Variants in CD84 observed in about 807,000 individuals in gnomAD.
CD84 encodes the protein CD84 molecule, also known as SLAM family member 5.
CD84 carries 22 observed loss-of-function variants against 33.8 expected under a neutral mutation model. That is an observed-to-expected ratio of 0.65 (90% CI 0.46 to 0.93). The LOEUF (loss-of-function observed/expected upper bound fraction) is 0.93, where lower values mean the gene tolerates loss of function less well. CD84 is among the 40% of genes least tolerant of loss of function. CD84 has a pLI of 0.00. For synonymous variants in CD84, 154 were observed against 145.2 expected (o/e 1.06, Z -0.44); for missense variants, 400 against 397.6 (o/e 1.01, Z -0.05).
At position 160,553,447 on chromosome 1, in the gene CD84, C is replaced by G; in HGVS notation, c.691G>C (p.Ala231Pro). 4.3e-6 allele frequency: 7 copies of G among 1,614,074 alleles called. No homozygotes were observed. The highest frequency in any genetic ancestry group is 5.9e-6 in the Non-Finnish European group (7 of 1,180,008). The change falls in exon 4 of 7, where the codon GCT becomes CCT. Residue 231 changes from alanine (A) to proline (P), a missense_variant. Coordinates refer to ENST00000368054, the MANE Select transcript of CD84 (RefSeq NM_003874.4). ...ATGAGAACAAGCAGAAAGAACATAGCCAGCACGCTCAGCAACCCGGTGTGG... is the reference window on the plus strand; with the variant it reads ...ATGAGAACAAGCAGAAAGAACATAGGCAGCACGCTCAGCAACCCGGTGTGG... ...THHTGLLSVL[A>P]MFFLLVLILS... is the part of the protein sequence containing the mutation.
intron 1 of CD84, among the ~76,000 whole-genome samples, chr1:160,569,558 G>A (rs1480145472): frequency 7.4e-5 from 11 of 147,668 alleles, no homozygotes; most frequent in Admixed American, 3.4e-4. Flanking sequence ...ACGCACGCAC[G>A]CACACACACA....
Position 160,548,271 on chromosome 1 carries a change from A to G in CD84, c.972T>C (p.Tyr324=), listed in dbSNP as rs748257540. Residue 324 remains tyrosine, a synonymous_variant, in exon 7 of 7, where the codon TAT becomes TAC. Coordinates refer to ENST00000368054, the MANE Select transcript of CD84 (RefSeq NM_003874.4). ...GCCCAGCAGCCTAGATCACAATTTC[A>G]TAGCTTGAAGTCCCAGGAGGTTTAC... is the stretch of plus-strand genomic sequence containing the variant. ...QDSKPPGTSS[Y]EIVI is the part of the protein sequence containing the mutation. 11 of 1,614,142 alleles carry G rather than the reference A, an allele frequency of 6.8e-6. No individual in the cohort carries two copies. In the South Asian group the frequency reaches 1.1e-4, roughly 16 times the overall value.
At chr1:160,579,246 G>A (rs1395267216) in intron 1 of CD84, 146 bp downstream of exon 1, 1 of 1,014,502 alleles carries the variant, frequency 9.9e-7, no homozygotes, top group East Asian at 2.6e-5. Flanking sequence ...TCCCCAGCCA[G>A]TTGGATCCTG....
At chr1:160,568,421 C>G (rs549800872) in intron 1 of CD84, among the ~76,000 whole-genome samples, 33 of 152,130 alleles carry the variant, frequency 2.2e-4, no homozygotes, top group African/African-American at 7.0e-4. Flanking sequence ...GAATACTTTG[C>G]TTGCTGGAAA....
rs559105226 is a variant in CD84 at position 160,545,712 on chromosome 1, C to T, written c.*2544G>A. On this transcript the variant is annotated 3_prime_UTR_variant, in exon 7 of 7. Coordinates refer to ENST00000368054, the MANE Select transcript of CD84 (RefSeq NM_003874.4). ...TGGCAGGATCTCAGCTCACTGCAACCTCCACCTCCCAGGTTCAAGCAATTC... is the reference window on the plus strand; with the variant it reads ...TGGCAGGATCTCAGCTCACTGCAACTTCCACCTCCCAGGTTCAAGCAATTC... 23 of 152,460 alleles carry T rather than the reference C, an allele frequency of 1.5e-4. No individual in the cohort carries two copies. The highest frequency in any genetic ancestry group is 5.3e-4 in the African/African-American group (22 of 41,566). The allele number at this position is 152,460 out of a possible 1,614,324, so 9.4% of individuals were successfully genotyped here. A position where few individuals can be genotyped will look rare whatever the true frequency, so the allele number is the denominator to read the frequency against.
At chr1:160,550,411 G>C (rs71628180) in intron 5 of CD84, among the ~76,000 whole-genome samples, 2 of 152,236 alleles carry the variant, frequency 1.3e-5, no homozygotes, top group South Asian at 4.2e-4. Context: ...GGGCGATCCA[G>C]GGTGGAGGGG....
intron 1 of CD84, among the ~76,000 whole-genome samples, chr1:160,568,395 C>T (rs762067174): frequency 2.0e-5 from 3 of 152,054 alleles, no homozygotes; most frequent in Non-Finnish European, 4.4e-5. Flanking sequence ...ATTTGTGCTG[C>T]TGGTGTTGTT....
chr1:160,547,347 G>C lies in CD84; in HGVS notation c.*909C>G, dbSNP rs370806560. ...AAATATAAGCTGGTCAGTTCCTTTT[G>C]GAGAGTGGGAATACTGGGCATGGCT... On this transcript the variant is annotated 3_prime_UTR_variant, in exon 7 of 7. Transcript: ENST00000368054. The C allele has an allele frequency of 6.7e-4, 265 of 396,128 alleles. 2 individuals carry two copies. In the Middle Eastern group the frequency reaches 0.011, roughly 16 times the overall value. 24.5% of individuals were successfully genotyped at this position (396,128 alleles called of 1,614,324 possible). A position where few individuals can be genotyped will look rare whatever the true frequency, so the allele number is the denominator to read the frequency against.
At chr1:160,550,014 C>A (rs769359227) in intron 5 of CD84, 35 bp from the exon 6 acceptor site, 4 of 1,372,092 alleles carry the variant, frequency 2.9e-6, no homozygotes, top group Non-Finnish European at 4.1e-6. Flanking sequence ...AGTGAGGGAG[C>A]CCAGGCCCAT....
chr1:160,577,369 G>A (rs1246743036), intron 1 of CD84, among the ~76,000 whole-genome samples: 1 of 152,148 alleles, frequency 6.6e-6, no homozygotes, highest in Admixed American at 6.6e-5. Flanking sequence ...ATATTTTTGT[G>A]CTCAGAAAAG....
In CD84 at chr1:160,568,692, C is replaced by A. The variant is rs558486352; in HGVS notation, c.47-2947G>T. 5.9e-5 allele frequency among the ~76,000 whole-genome samples: 9 copies of A among 152,324 alleles called. No homozygotes were observed. The South Asian group carries it at 1.9e-3, about 32-fold the overall frequency. On this transcript the variant is annotated intron_variant, in intron 1 of 6. Coordinates refer to ENST00000368054, the MANE Select transcript of CD84 (RefSeq NM_003874.4). ...CTGGAGTGCAGTGGAGTGATCTTGG[C>A]TCACTGCAACCTCCACCTCCCGGGT...
chr1:160,578,883 C>T (rs1017788064), intron 1 of CD84, among the ~76,000 whole-genome samples: 2 of 152,076 alleles, frequency 1.3e-5, no homozygotes, highest in African/African-American at 4.8e-5. Flanking sequence ...AGAGTAATAG[C>T]TCTGTGTTTT....
intron 1 of CD84, among the ~76,000 whole-genome samples, chr1:160,577,477 C>T (rs1419740283): frequency 1.3e-5 from 2 of 152,136 alleles, no homozygotes; most frequent in African/African-American, 4.8e-5. Flanking sequence ...AAACAAGCTC[C>T]CATTCCCCTT....
intron 1 of CD84, 76 bp downstream of exon 1, chr1:160,579,316 T>C (rs774781134): frequency 1.6e-5 from 26 of 1,603,076 alleles, no homozygotes; most frequent in Non-Finnish European, 2.2e-5. Flanking sequence ...AAAAAGACAG[T>C]TCAATGTCTT....
intron 1 of CD84, among the ~76,000 whole-genome samples, chr1:160,575,808 C>T (rs1657964816): frequency 6.6e-6 from 1 of 152,162 alleles, no homozygotes. Flanking sequence ...GACCATCAGG[C>T]TCCTGTTGCG....
chr1:160,555,343 A>G (rs902444117), intron 2 of CD84, among the ~76,000 whole-genome samples: 8 of 152,156 alleles, frequency 5.3e-5, no homozygotes, highest in Non-Finnish European at 1.2e-4. Flanking sequence ...TCGGCCTCCC[A>G]AAGTGCTGGG....
chr1:160,567,289 GTGT>G (rs1284617528), intron 1 of CD84, among the ~76,000 whole-genome samples: 1 of 152,136 alleles, frequency 6.6e-6, no homozygotes, highest in Non-Finnish European at 1.5e-5. Context: ...TAACCTGATG[GTGT>G]TGTCTCACTA....
At chr1:160,556,301 ATC>A (rs1656602920) in intron 2 of CD84, among the ~76,000 whole-genome samples, 1 of 152,238 alleles carries the variant, frequency 6.6e-6, no homozygotes, top group Non-Finnish European at 1.5e-5. Context: ...CTGGTTCAGA[ATC>A]CAGGCTCTAC....
chr1:160,565,780 CTGTT>C, intron 1 of CD84, 35 bp from the exon 2 acceptor site: 1 of 1,487,818 alleles, frequency 6.7e-7, no homozygotes, highest in Non-Finnish European at 8.9e-7. Flanking sequence ...AGCCATCTGA[CTGTT>C]GCAGCTTTTT....
Sources: allele counts gnomAD v4.1 joint callset (sites outside exome capture counted in the v4.1 genomes callset), GRCh38; gene constraint gnomAD v4.1.1; transcripts MANE v1.5; gene names NCBI Gene and HGNC (gene_info 2026-07-23, HGNC 2026-07-21).